Variants in STX18 observed in about 807,000 individuals in gnomAD.
STX18 encodes the protein syntaxin-18.
In STX18, 40 loss-of-function variants were observed where a neutral mutation model predicts 50.1. The observed-to-expected ratio is 0.80, with a 90% CI of 0.62 to 1.04. STX18 has a LOEUF of 1.04. Among genes scored for constraint, STX18 ranks in the 50% least tolerant of loss-of-function variants. STX18 has a pLI of 0.00. For synonymous variants in STX18, 158 were observed against 151.8 expected (o/e 1.04, Z -0.30); for missense variants, 410 against 415.8 (o/e 0.99, Z 0.12).
chr4:4,506,698 A>G (rs1328050529), intron 1 of STX18, among the ~76,000 whole-genome samples: 6 of 152,226 alleles, frequency 3.9e-5, no homozygotes, highest in Non-Finnish European at 7.3e-5. Flanking sequence ...TGTTTTTTCT[A>G]TACATACATA....
chr4:4,524,678 C>T (rs1030813388), intron 1 of STX18, among the ~76,000 whole-genome samples: 6 of 152,228 alleles, frequency 3.9e-5, no homozygotes, highest in Non-Finnish European at 7.3e-5. Context: ...AAAACCAGGC[C>T]TGTGGTGACA....
At chr4:4,440,316 T>C (rs1005228214) in intron 5 of STX18, among the ~76,000 whole-genome samples, 2 of 152,234 alleles carry the variant, frequency 1.3e-5, no homozygotes, top group African/African-American at 4.8e-5. Context: ...TGGATAAATT[T>C]ATTTAATTTC....
intron 7 of STX18, among the ~76,000 whole-genome samples, chr4:4,429,868 G>T (rs1176333822): frequency 1.3e-5 from 2 of 152,194 alleles, no homozygotes; most frequent in African/African-American, 4.8e-5. Context: ...TACCTCAGGG[G>T]ACAGGGCCTT....
chr4:4,496,850 G>A (rs879678763), intron 1 of STX18, among the ~76,000 whole-genome samples: 1 of 152,214 alleles, frequency 6.6e-6, no homozygotes, highest in Non-Finnish European at 1.5e-5. Flanking sequence ...AAAAAGAACA[G>A]ATGCCTGAAA....
intron 5 of STX18, among the ~76,000 whole-genome samples, chr4:4,444,299 T>A (rs1195201727): frequency 3.3e-5 from 5 of 152,246 alleles, no homozygotes; most frequent in African/African-American, 1.2e-4. Context: ...TCGGGGTCTC[T>A]TCTTCAGCCT....
intron 1 of STX18, among the ~76,000 whole-genome samples, chr4:4,491,829 A>C (rs1728956212): frequency 1.3e-5 from 2 of 152,152 alleles, no homozygotes; most frequent in African/African-American, 4.8e-5. Flanking sequence ...TAATAGAATG[A>C]ACATATTTTA....
chr4:4,484,028 AT>A (rs58667313), intron 1 of STX18, among the ~76,000 whole-genome samples: 3,416 of 151,942 alleles, frequency 0.022, 47 homozygotes, highest in African/African-American at 0.039. Flanking sequence ...TGCCCAGCTA[AT>A]TTTTTTGTAT....
intron 2 of STX18, among the ~76,000 whole-genome samples, chr4:4,463,139 C>T (rs950426137): frequency 1.5e-4 from 23 of 152,290 alleles, no homozygotes; most frequent in African/African-American, 5.3e-4. Flanking sequence ...AGTATCCCTC[C>T]CACTGTTGGC....
chr4:4,474,810 G>C (rs1728093128), intron 1 of STX18, among the ~76,000 whole-genome samples: 1 of 152,270 alleles, frequency 6.6e-6, no homozygotes, highest in South Asian at 2.1e-4. Flanking sequence ...AAAAGAACAC[G>C]GTCCTGCCAA....
At chr4:4,511,713 AGTGTGTGTGTGTGTGTGTGTGTGTGTGT>A (rs3038434) in intron 1 of STX18, among the ~76,000 whole-genome samples, 1 of 137,418 alleles carries the variant, frequency 7.3e-6, no homozygotes, top group Admixed American at 7.3e-5. Flanking sequence ...ACTCATGATT[AGTGTGTGTGTGTGTGTGTGTGTGTGTGT>A]GTGTGTGTGT....
At position 4,471,654 on chromosome 4, in the gene STX18, T is replaced by C; in HGVS notation, c.221A>G (p.Tyr74Cys). ...RDFLLEHRKD[Y>C]INAYSHTMSE... ...ATGTACTTACCTATAAGCATTAATA[T>C]AATCTTTCCTGTGTTCCAGAAGAAA... Residue 74 changes from tyrosine to cysteine, a missense_variant, in exon 2 of 11, where the codon TAT (tyrosine) becomes TGT (cysteine). Tyr to Cys is a radical substitution (Grantham distance 194). Coordinates refer to ENST00000306200, the MANE Select transcript of STX18 (RefSeq NM_016930.4). The C allele has an allele frequency of 6.3e-7, 1 of 1,578,590 alleles. No individual in the cohort carries two copies. Among genetic ancestry groups the C allele is most frequent in the Non-Finnish European group, 8.5e-7 (1 of 1,170,008 alleles).
At chr4:4,435,332 A>G (rs183187470) in intron 6 of STX18, among the ~76,000 whole-genome samples, 1 of 152,266 alleles carries the variant, frequency 6.6e-6, no homozygotes, top group East Asian at 1.9e-4. Flanking sequence ...CTCCAATCCT[A>G]TTCCTCTCCC....
intron 1 of STX18, among the ~76,000 whole-genome samples, chr4:4,509,460 C>T (rs1160684696): frequency 6.6e-6 from 1 of 151,610 alleles, no homozygotes; most frequent in East Asian, 1.9e-4. Context: ...GATATTAGAC[C>T]CTTGCCAGGT....
At chr4:4,453,749 G>A (rs1207757396) in intron 5 of STX18, 2 of 857,794 alleles carry the variant, frequency 2.3e-6, no homozygotes, top group South Asian at 1.1e-4. Flanking sequence ...AGACAAATGT[G>A]TCCACTCAGG....
chr4:4,441,717 C>T (rs1037094997), intron 5 of STX18, among the ~76,000 whole-genome samples: 1 of 152,098 alleles, frequency 6.6e-6, no homozygotes, highest in Non-Finnish European at 1.5e-5. Context: ...AATAAAAAAA[C>T]ATCACCAGGT....
chr4:4,420,023 C>T lies in STX18; in HGVS notation c.*11G>A, dbSNP rs368867593. The T allele has an allele frequency of 1.5e-5, 24 of 1,605,098 alleles. No homozygotes were observed. The highest frequency in any genetic ancestry group is 1.4e-4 in the Admixed American group (8 of 59,056). On this transcript the variant is annotated 3_prime_UTR_variant, in exon 11 of 11. Coordinates refer to ENST00000306200, the MANE Select transcript of STX18 (RefSeq NM_016930.4). The surrounding 1 kb of genome is among the most constrained non-coding windows in gnomAD (Gnocchi z 4.3). ...CATGAGGACTCTCGTGCTGGGCCCC[C>T]GTGGCCCTGGCTAGCTGTCGTACCA...
At chr4:4,503,893 T>C (rs959012390) in intron 1 of STX18, among the ~76,000 whole-genome samples, 15 of 152,192 alleles carry the variant, frequency 9.9e-5, no homozygotes, top group African/African-American at 3.1e-4. Context: ...TCAAGTTTTA[T>C]AGCACACTGA....
At chr4:4,456,316 A>G (rs985139094) in intron 5 of STX18, among the ~76,000 whole-genome samples, 2 of 152,158 alleles carry the variant, frequency 1.3e-5, no homozygotes, top group African/African-American at 4.8e-5. Flanking sequence ...CAGTTATGTG[A>G]TGTTATCTTC....
chr4:4,505,429 T>A (rs767489030), intron 1 of STX18, among the ~76,000 whole-genome samples: 10 of 152,084 alleles, frequency 6.6e-5, no homozygotes, highest in Non-Finnish European at 1.2e-4. Context: ...ATGTCGAGCA[T>A]CAAGAGGGAG....
Sources: allele counts gnomAD v4.1 joint callset (sites outside exome capture counted in the v4.1 genomes callset), GRCh38; gene constraint gnomAD v4.1.1; non-coding constraint Gnocchi (gnomAD v3.1); transcripts MANE v1.5; gene names NCBI Gene and HGNC (gene_info 2026-07-23, HGNC 2026-07-21).